Variants in NEXMIF observed in about 807,000 individuals in gnomAD.
The protein encoded by NEXMIF is XLMR protein related to neurite extension.
Under a neutral mutation model 62.1 loss-of-function variants are expected in NEXMIF, and 8 were observed. The observed-to-expected ratio is 0.13, with a 90% CI of 0.08 to 0.23. NEXMIF has a LOEUF of 0.23. NEXMIF is among the 10% of genes least tolerant of loss of function. The pLI, the probability that NEXMIF is intolerant of heterozygous loss-of-function variation, is 1.00. For missense variants in NEXMIF, 976 were observed against 1,113.3 expected, an observed-to-expected ratio of 0.88 and a Z score of 1.75; for synonymous variants, 404 against 416.6, an observed-to-expected ratio of 0.97 and a Z score of 0.37.
chrX:74,852,067 G>T (rs2147494689), intron 1 of NEXMIF, among the ~76,000 whole-genome samples: 1 of 110,462 alleles, frequency 9.1e-6, no homozygotes, highest in South Asian at 3.9e-4. Context: ...ATCCCTATAA[G>T]AACTCATTTC....
At chrX:74,832,752 T>C (rs1395020829) in intron 1 of NEXMIF, among the ~76,000 whole-genome samples, 1 of 111,663 alleles carries the variant, frequency 9.0e-6, no homozygotes, top group Non-Finnish European at 1.9e-5. Flanking sequence ...TAGTCACTTA[T>C]AGCTATAAGC....
intron 1 of NEXMIF, among the ~76,000 whole-genome samples, chrX:74,873,390 T>C (rs1015262998): frequency 1.8e-5 from 2 of 112,189 alleles, no homozygotes; most frequent in African/African-American, 6.5e-5. Context: ...CAGTCTATCA[T>C]TGTTGGATGT....
intron 1 of NEXMIF, among the ~76,000 whole-genome samples, chrX:74,876,544 C>T (rs1418556558): frequency 9.4e-6 from 1 of 105,830 alleles, no homozygotes; most frequent in East Asian, 3.0e-4. Flanking sequence ...CCTGGGTATC[C>T]TTGTTGACTT....
In NEXMIF at chrX:74,737,366, T is replaced by G. The variant is rs1390082765; in HGVS notation, c.*2039A>C. On this transcript the variant is annotated 3_prime_UTR_variant, in exon 4 of 4. Coordinates refer to ENST00000055682, the MANE Select transcript of NEXMIF (RefSeq NM_001008537.3). Reference sequence around the variant, plus strand: ...AAGAAGGTTTTCCAGTTTGGTTATTTTCCCTTTTGAATGGTAGCTATGGGG... The same window carrying G: ...AAGAAGGTTTTCCAGTTTGGTTATTGTCCCTTTTGAATGGTAGCTATGGGG... 2 of 112,068 alleles carry G rather than the reference T, an allele frequency of 1.8e-5. No individual in the cohort carries two copies. The highest frequency in any genetic ancestry group is 6.5e-5 in the African/African-American group (2 of 30,767). 9.2% of individuals were successfully genotyped at this position (112,068 alleles called of 1,213,427 possible). A position where few individuals can be genotyped will look rare whatever the true frequency, so the allele number is the denominator to read the frequency against.
intron 1 of NEXMIF, among the ~76,000 whole-genome samples, chrX:74,895,606 C>T (rs747597246): frequency 2.1e-4 from 24 of 111,652 alleles, no homozygotes; most frequent in African/African-American, 7.8e-4. Context: ...GCATAAAAAA[C>T]AGGTGCATAG....
At chrX:74,818,997 C>T (rs754685139) in intron 1 of NEXMIF, among the ~76,000 whole-genome samples, 31 of 111,519 alleles carry the variant, frequency 2.8e-4, no homozygotes, top group African/African-American at 9.1e-4. Context: ...TATAGACCAA[C>T]GGAACAGAAC....
chrX:74,834,681 G>A (rs1427170965), intron 1 of NEXMIF, among the ~76,000 whole-genome samples: 1 of 111,784 alleles, frequency 8.9e-6, no homozygotes, highest in Non-Finnish European at 1.9e-5. Context: ...AGGTATTGGA[G>A]TTCCATAGTA....
chrX:74,905,800 A>C (rs1344129263), intron 1 of NEXMIF, among the ~76,000 whole-genome samples: 2 of 111,248 alleles, frequency 1.8e-5, no homozygotes, highest in African/African-American at 3.3e-5. Context: ...ACAGAGCGAG[A>C]CTCCATCTGT....
chrX:74,861,210 G>C (rs1340882442), intron 1 of NEXMIF, among the ~76,000 whole-genome samples: 1 of 111,602 alleles, frequency 9.0e-6, no homozygotes, highest in East Asian at 2.8e-4. Context: ...ACAAGTATCA[G>C]TAACTGAATA....
intron 1 of NEXMIF, among the ~76,000 whole-genome samples, chrX:74,920,166 G>T (rs957878246): frequency 9.0e-6 from 1 of 111,040 alleles, no homozygotes; most frequent in Non-Finnish European, 1.9e-5. Context: ...GGGTCAAATG[G>T]TATTTCTAGT....
chrX:74,742,039 G>T lies in NEXMIF; in HGVS notation c.2518C>A (p.Gln840Lys), dbSNP rs2080106721. ...GTTTGAGTGAGGCTGCCTTCATTTTGCTCTGGAGAATGGTGGCTGAAGTAT... is the reference window on the plus strand; with the variant it reads ...GTTTGAGTGAGGCTGCCTTCATTTTTCTCTGGAGAATGGTGGCTGAAGTAT... ...ISYFSHHSPE[Q>K]NEGSLTQTEK... is the part of the protein sequence containing the mutation. Residue 840 changes from glutamine (Q) to lysine (K), a missense_variant, in exon 3 of 4, where the codon CAA becomes AAA. Gln to Lys is a moderately conservative substitution (Grantham distance 53). This residue lies in a region of NEXMIF where 639 missense variants were observed against 694.5 expected (regional missense o/e 0.92). Transcript: ENST00000055682. 1 of 1,211,918 alleles carries T rather than the reference G, an allele frequency of 8.3e-7. No individual in the cohort carries two copies. Among genetic ancestry groups the T allele is most frequent in the Admixed American group, 2.2e-5 (1 of 46,050 alleles).
In NEXMIF at chrX:74,742,681, G is replaced by A; in HGVS notation, c.1876C>T (p.Arg626Cys). The change falls in exon 3 of 4, where the codon CGC (arginine) becomes TGC (cysteine). Residue 626 changes from arginine to cysteine, a missense_variant. Physicochemically the swap from Arg to Cys is radical, Grantham distance 180. Transcript: ENST00000055682. ...SFEVSFLPPA[R>C]KRKSKLGNRH... ...TTGCCAAGTTTAGATTTTCGTTTGC[G>A]AGCAGGTGGCAGAAATGACACCTCA... 4 of 1,211,026 alleles carry A rather than the reference G, an allele frequency of 3.3e-6. No individual in the cohort carries two copies. The highest frequency in any genetic ancestry group is 4.5e-6 in the Non-Finnish European group (4 of 895,127).
chrX:74,858,387 C>A (rs2080543298), intron 1 of NEXMIF, among the ~76,000 whole-genome samples: 1 of 112,162 alleles, frequency 8.9e-6, no homozygotes, highest in Non-Finnish European at 1.9e-5. Context: ...TCTGGTAATG[C>A]AGATAATTTC....
In NEXMIF at chrX:74,738,687, T is replaced by C. The variant is rs867962657; in HGVS notation, c.*718A>G. 2.0e-4 allele frequency: 22 copies of C among 111,215 alleles called. No individual in the cohort carries two copies. The highest frequency in any genetic ancestry group is 7.2e-4 in the African/African-American group (22 of 30,548). The allele number at this position is 111,215 out of a possible 1,213,427, so 9.2% of individuals were successfully genotyped here. A position where few individuals can be genotyped will look rare whatever the true frequency, so the allele number is the denominator to read the frequency against. On this transcript the variant is annotated 3_prime_UTR_variant, in exon 4 of 4. Transcript: ENST00000055682. ...TAAATGCATATACTTGGGTCCCTGA[T>C]GGACTTAGCTGTTGTGGCCTTCAGA...
At chrX:74,921,012 T>G (rs1002889506) in intron 1 of NEXMIF, among the ~76,000 whole-genome samples, 1 of 111,675 alleles carries the variant, frequency 9.0e-6, no homozygotes, top group African/African-American at 3.3e-5. Flanking sequence ...TACATCAAAA[T>G]TATCACACTG....
chrX:74,744,930 C>CT (rs1556016953), intron 2 of NEXMIF, among the ~76,000 whole-genome samples: 916 of 86,537 alleles, frequency 0.011, 18 homozygotes, highest in African/African-American at 0.031. Context: ...TTCTCTCTCT[C>CT]CTCTCTCTCT....
At chrX:74,740,033 C>T in intron 3 of NEXMIF, 67 bp downstream of exon 3, 1 of 1,017,090 alleles carries the variant, frequency 9.8e-7, no homozygotes, top group Non-Finnish European at 1.3e-6. Context: ...AAATGAGGGA[C>T]TGCGGGCTTA....
intron 1 of NEXMIF, among the ~76,000 whole-genome samples, chrX:74,819,507 C>T (rs1226166349): frequency 9.0e-6 from 1 of 111,637 alleles, no homozygotes; most frequent in Non-Finnish European, 1.9e-5. Flanking sequence ...TCAAACAACC[C>T]CATCAAAAAG....
chrX:74,798,827 G>T (rs1169253276), intron 1 of NEXMIF, among the ~76,000 whole-genome samples: 4 of 110,104 alleles, frequency 3.6e-5, no homozygotes, highest in Admixed American at 2.9e-4. Context: ...ATACAGAAAA[G>T]GAGAAATCAG....
Sources: allele counts gnomAD v4.1 joint callset (sites outside exome capture counted in the v4.1 genomes callset), GRCh38; gene constraint gnomAD v4.1.1; regional missense constraint gnomAD v4.1.1; transcripts MANE v1.5; gene names NCBI Gene and HGNC (gene_info 2026-07-23, HGNC 2026-07-21).